FGF14: variants seen among roughly 807,000 people sequenced by gnomAD.
FGF14 encodes fibroblast growth factor homologous factor 4.
In FGF14, 5 loss-of-function variants were observed where a neutral mutation model predicts 25.5. The observed-to-expected ratio is 0.20, with a 90% CI of 0.10 to 0.41. The LOEUF is 0.41. Ranked by LOEUF, FGF14 falls within the 10% of genes least tolerant of loss-of-function variation. The pLI is 1.00. For missense variants in FGF14, 222 were observed against 320.1 expected, an observed-to-expected ratio of 0.69 and a Z score of 2.34; for synonymous variants, 138 against 118.3, an observed-to-expected ratio of 1.17 and a Z score of -1.08.
At chr13:102,211,670 CCTA>C (rs1394858241) in intron 1 of FGF14, among the ~76,000 whole-genome samples, 3 of 152,182 alleles carry the variant, frequency 2.0e-5, no homozygotes, top group African/African-American at 7.2e-5. Context: ...GGCTCTCAAA[CCTA>C]CTTCACATTT....
At chr13:102,262,576 A>G (rs1271503693) in intron 1 of FGF14, among the ~76,000 whole-genome samples, 1 of 152,138 alleles carries the variant, frequency 6.6e-6, no homozygotes, top group Non-Finnish European at 1.5e-5. Flanking sequence ...GTGTAAATGT[A>G]GCTCTAAAAA....
chr13:101,723,289 T>C (rs1340595117), intron 4 of FGF14, among the ~76,000 whole-genome samples: 1 of 135,138 alleles, frequency 7.4e-6, no homozygotes, highest in African/African-American at 2.8e-5. Flanking sequence ...ACACACACAC[T>C]ATAGGAGAAT....
At chr13:102,383,073 A>T (rs184370373) in intron 1 of FGF14, among the ~76,000 whole-genome samples, 38 of 152,258 alleles carry the variant, frequency 2.5e-4, no homozygotes, top group Middle Eastern at 6.8e-3. Flanking sequence ...ATTGAATTGT[A>T]TACTTTAAAA....
intron 1 of FGF14, among the ~76,000 whole-genome samples, chr13:102,071,579 T>G (rs533909387): frequency 5.9e-5 from 9 of 152,344 alleles, no homozygotes; most frequent in African/African-American, 2.2e-4. Flanking sequence ...AACTGAGATT[T>G]ATCACTGTCT....
At chr13:102,263,215 C>T (rs2052806824) in intron 1 of FGF14, 3 of 523,308 alleles carry the variant, frequency 5.7e-6, no homozygotes, top group Non-Finnish European at 7.5e-6. Flanking sequence ...TGGCGAGAAG[C>T]GCAGTCAAGC....
chr13:102,322,952 T>C (rs186799672), intron 1 of FGF14, among the ~76,000 whole-genome samples: 2 of 152,288 alleles, frequency 1.3e-5, no homozygotes, highest in African/African-American at 4.8e-5. Context: ...TATCCTACTT[T>C]AACCTCTTTG....
intron 1 of FGF14, among the ~76,000 whole-genome samples, chr13:102,205,002 G>T (rs887159552): frequency 6.6e-6 from 1 of 152,174 alleles, no homozygotes. Context: ...TACTTCAGGG[G>T]AAAACTGGCA....
chr13:101,967,207 C>T (rs559506586), intron 1 of FGF14, among the ~76,000 whole-genome samples: 2 of 152,140 alleles, frequency 1.3e-5, no homozygotes, highest in Non-Finnish European at 2.9e-5. Context: ...CCAAACCTAC[C>T]GAATCAAAGT....
rs1000446727 is a variant in FGF14 at position 102,075,633 on chromosome 13, T to A, written c.209-200337A>T. On this transcript the variant is annotated intron_variant, in intron 1 of 4. Coordinates refer to the FGF14 transcript ENST00000376131. ...GCTTGTGGATTTACTATACATTTTA[T>A]CATTATTTTAGAGTGTACTCCTAAC... Among the ~76,000 whole-genome samples the A allele has an allele frequency of 5.3e-5, 8 of 152,356 alleles. No individual in the cohort carries two copies. The South Asian group carries it at 1.4e-3, about 28-fold the overall frequency.
At chr13:102,100,793 C>A (rs767462379) in intron 1 of FGF14, among the ~76,000 whole-genome samples, 8 of 152,026 alleles carry the variant, frequency 5.3e-5, no homozygotes, top group South Asian at 2.1e-4. Context: ...AGATAAATAA[C>A]CTGAAGCTTA....
chr13:102,172,256 C>A (rs904812904), intron 1 of FGF14, among the ~76,000 whole-genome samples: 1 of 152,038 alleles, frequency 6.6e-6, no homozygotes, highest in Non-Finnish European at 1.5e-5. Flanking sequence ...CAACTCTATT[C>A]CACACAAATA....
chr13:101,989,611 T>G (rs2038786394), intron 1 of FGF14, among the ~76,000 whole-genome samples: 1 of 152,158 alleles, frequency 6.6e-6, no homozygotes, highest in Non-Finnish European at 1.5e-5. Flanking sequence ...CATGCATATA[T>G]GTTTTTGTAT....
chr13:101,788,901 TATATATATAGAGAGAGAGAGAG>T (rs1217738982), intron 3 of FGF14, among the ~76,000 whole-genome samples: 1 of 41,352 alleles, frequency 2.4e-5, no homozygotes, highest in East Asian at 6.1e-4. Context: ...TATATATATA[TATATATATAGAGAGAGAGAGAG>T]AGAGAGAGAG....
chr13:102,058,969 T>C (rs917424226), intron 1 of FGF14, among the ~76,000 whole-genome samples: 17 of 151,700 alleles, frequency 1.1e-4, no homozygotes, highest in Non-Finnish European at 2.2e-4. Context: ...AAATAGAGAT[T>C]TATGAAAAAA....
chr13:102,317,088 C>T (rs1280768665), intron 1 of FGF14, among the ~76,000 whole-genome samples: 1 of 151,996 alleles, frequency 6.6e-6, no homozygotes, highest in East Asian at 1.9e-4. Context: ...AGACAGGCAC[C>T]GATGTCAGTA....
intron 1 of FGF14, among the ~76,000 whole-genome samples, chr13:102,113,831 T>C (rs2045343023): frequency 6.6e-6 from 1 of 152,200 alleles, no homozygotes; most frequent in Non-Finnish European, 1.5e-5. Context: ...TCTTCCAATT[T>C]CACAAGTAGT....
At chr13:101,917,536 G>C (rs979253214), upstream of FGF14, among the ~76,000 whole-genome samples, 1 of 151,894 alleles carries the variant, frequency 6.6e-6, no homozygotes, top group Non-Finnish European at 1.5e-5. Flanking sequence ...CGGTCTTAAC[G>C]TGGTTACCGG....
chr13:101,887,967 G>C (rs1258904543), intron 1 of FGF14, among the ~76,000 whole-genome samples: 1 of 152,188 alleles, frequency 6.6e-6, no homozygotes, highest in Non-Finnish European at 1.5e-5. Context: ...TGGAGAGAAA[G>C]TGAGATGAAA....
chr13:101,726,525 G>T (rs2035448010), intron 4 of FGF14, 87 bp downstream of exon 4: 2 of 1,270,938 alleles, frequency 1.6e-6, no homozygotes, highest in African/African-American at 1.5e-5. Flanking sequence ...CTTTGTGAAG[G>T]TTTCTTAGAG....
Sources: gnomAD v4.1 joint callset for allele counts (sites outside exome capture counted in the v4.1 genomes callset) on GRCh38, gnomAD v4.1.1 for gene constraint, MANE v1.5 for transcripts, NCBI Gene and HGNC (gene_info 2026-07-23, HGNC 2026-07-21) for gene names.